Variants in FLT1 observed in about 807,000 individuals in gnomAD.
FLT1 encodes vascular endothelial growth factor receptor 1.
Under a neutral mutation model 156.3 loss-of-function variants are expected in FLT1, and 49 were observed. The ratio of observed to expected loss-of-function variants is 0.31; its 90% confidence interval spans 0.25 to 0.40. The LOEUF (loss-of-function observed/expected upper bound fraction) is 0.40. Among genes scored for constraint, FLT1 ranks in the 10% least tolerant of loss-of-function variants. The pLI is 1.00. For synonymous variants in FLT1, 594 were observed against 583.8 expected (o/e 1.02, Z -0.25); for missense variants, 1,322 against 1,637.2 (o/e 0.81, Z 3.32).
At chr13:28,372,459 A>G (rs1310806795) in intron 14 of FLT1, among the ~76,000 whole-genome samples, 2 of 150,964 alleles carry the variant, frequency 1.3e-5, no homozygotes, top group East Asian at 3.9e-4. Context: ...GACAAGATAC[A>G]TATCAAACAG....
chr13:28,426,704 G>C (rs967165930), intron 10 of FLT1, among the ~76,000 whole-genome samples: 6 of 152,204 alleles, frequency 3.9e-5, no homozygotes, highest in African/African-American at 1.2e-4. Flanking sequence ...ATTTCAGACA[G>C]ATGGAAGAGC....
intron 10 of FLT1, among the ~76,000 whole-genome samples, chr13:28,420,091 A>G (rs1876914985): frequency 6.6e-6 from 1 of 152,250 alleles, no homozygotes; most frequent in South Asian, 2.1e-4. Context: ...GGCCTTTGGC[A>G]AAAGAACTCA....
At chr13:28,356,646 G>A (rs1366557974) in intron 15 of FLT1, among the ~76,000 whole-genome samples, 1 of 152,164 alleles carries the variant, frequency 6.6e-6, no homozygotes, top group Non-Finnish European at 1.5e-5. Context: ...AGCAATGTAA[G>A]TTTCAGGGGG....
intron 1 of FLT1, among the ~76,000 whole-genome samples, chr13:28,487,420 T>C (rs1881225633): frequency 1.3e-5 from 2 of 152,240 alleles, no homozygotes; most frequent in Non-Finnish European, 2.9e-5. Flanking sequence ...CAAAAGAATC[T>C]GATAATTGTT....
rs199658437 is a variant in FLT1, at chr13:28,427,767, T to A, written c.1261A>T (p.Thr421Ser). ...QSNVFKNLTATLIVNVKPQIY... is the reference protein window; with the variant it reads ...QSNVFKNLTASLIVNVKPQIY... ...GCAAACTTACCATTGACAATTAGAG[T>A]GGCAGTGAGGTTTTTAAACACATTT... The change falls in exon 9 of 30, where the codon ACT becomes TCT. Residue 421 changes from threonine to serine, a missense_variant. Thr to Ser is a moderately conservative substitution (Grantham distance 58). Around this residue, in one of 3 missense-constraint regions of FLT1, gnomAD observed 991 missense variants for 1,254.8 expected, o/e 0.79. Transcript: ENST00000282397. 1.2e-5 allele frequency: 20 copies of A among 1,613,682 alleles called. No homozygotes were observed. In the African/African-American group the frequency reaches 2.3e-4, roughly 18 times the overall value.
chr13:28,488,967 C>T (rs531884033), intron 1 of FLT1, among the ~76,000 whole-genome samples: 23 of 152,260 alleles, frequency 1.5e-4, no homozygotes, highest in African/African-American at 4.3e-4. Context: ...TTGTATAACA[C>T]GCTGCAGGAA....
At chr13:28,482,383 A>G (rs1185686910) in intron 1 of FLT1, among the ~76,000 whole-genome samples, 2 of 152,086 alleles carry the variant, frequency 1.3e-5, no homozygotes, top group Non-Finnish European at 2.9e-5. Flanking sequence ...GATTGCAGTG[A>G]GCCGAGATCA....
At chr13:28,324,452 T>C (rs1043820616) in intron 20 of FLT1, among the ~76,000 whole-genome samples, 2 of 152,168 alleles carry the variant, frequency 1.3e-5, no homozygotes, top group African/African-American at 4.8e-5. Context: ...AGCCCTAACC[T>C]AGTCTAAAAG....
At chr13:28,348,976 C>T (rs1593699763) in intron 15 of FLT1, among the ~76,000 whole-genome samples, 1 of 150,778 alleles carries the variant, frequency 6.6e-6, no homozygotes, top group African/African-American at 2.4e-5. Flanking sequence ...CTTCATAAAA[C>T]ATATAGACCA....
At chr13:28,347,413 C>T (rs901515603) in intron 15 of FLT1, among the ~76,000 whole-genome samples, 4 of 151,992 alleles carry the variant, frequency 2.6e-5, no homozygotes, top group African/African-American at 7.3e-5. Flanking sequence ...CCCAGCTCCT[C>T]GGTAGTCTGA....
At chr13:28,463,023 G>A (rs1879673884) in intron 3 of FLT1, among the ~76,000 whole-genome samples, 1 of 152,188 alleles carries the variant, frequency 6.6e-6, no homozygotes, top group Admixed American at 6.5e-5. Context: ...TCCTTTGCTT[G>A]TAAAATGAAG....
At chr13:28,438,473 C>T (rs1227757652) in intron 3 of FLT1, 128 bp from the exon 4 acceptor site, 1 of 728,640 alleles carries the variant, frequency 1.4e-6, no homozygotes, top group African/African-American at 1.8e-5. Context: ...GTAATCCATA[C>T]ATTCACATCT....
intron 11 of FLT1, among the ~76,000 whole-genome samples, chr13:28,398,368 G>A (rs1463433243): frequency 6.6e-6 from 1 of 152,210 alleles, no homozygotes; most frequent in African/African-American, 2.4e-5. Flanking sequence ...TTCCAAGGTG[G>A]TGGACATACT....
intron 16 of FLT1, among the ~76,000 whole-genome samples, chr13:28,343,033 C>A (rs7334577): frequency 0.55 from 83,293 of 151,748 alleles, 25,350 homozygotes; most frequent in East Asian, 0.78. Flanking sequence ...GGCTAGAATG[C>A]AGTGGCATGA....
At position 28,430,245 on chromosome 13, in the gene FLT1, G is replaced by A. The variant is rs1877603918; in HGVS notation, c.989-78C>T. On this transcript the variant is annotated intron_variant, in intron 7 of 29. Transcript: ENST00000282397. ...AAACCTTAGGGCCTCATTCAGGGAG[G>A]GTGTAATCAATGAGTAAATAAACAG... 5.1e-6 allele frequency: 5 copies of A among 984,392 alleles called. No homozygotes were observed. In the Admixed American group the frequency reaches 7.3e-5, roughly 14 times the overall value. 61.0% of individuals were successfully genotyped at this position (984,392 alleles called of 1,614,324 possible). A position where few individuals can be genotyped will look rare whatever the true frequency, so the allele number is the denominator to read the frequency against.
chr13:28,438,639 A>G (rs2137561918), intron 3 of FLT1, among the ~76,000 whole-genome samples: 1 of 152,350 alleles, frequency 6.6e-6, no homozygotes, highest in African/African-American at 2.4e-5. Context: ...AAAAGCCTAA[A>G]AGTGCAGTAG....
chr13:28,445,533 T>C (rs1437695759), intron 3 of FLT1, among the ~76,000 whole-genome samples: 1 of 152,084 alleles, frequency 6.6e-6, no homozygotes, highest in East Asian at 1.9e-4. Flanking sequence ...TGAAGGAATA[T>C]TATAATTATA....
At chr13:28,446,577 A>C (rs1316558824) in intron 3 of FLT1, among the ~76,000 whole-genome samples, 6 of 152,368 alleles carry the variant, frequency 3.9e-5, no homozygotes, top group African/African-American at 1.4e-4. Flanking sequence ...TAATGTGTTT[A>C]GGAATATATT....
chr13:28,417,736 C>T (rs1321189537), intron 10 of FLT1, among the ~76,000 whole-genome samples: 1 of 150,916 alleles, frequency 6.6e-6, no homozygotes, highest in Non-Finnish European at 1.5e-5. Context: ...AAACAATCCT[C>T]CCACATAGCT....
Sources: gnomAD v4.1 joint callset for allele counts (sites outside exome capture counted in the v4.1 genomes callset) on GRCh38, gnomAD v4.1.1 for gene constraint, gnomAD v4.1.1 regional missense constraint, MANE v1.5 for transcripts, NCBI Gene and HGNC (gene_info 2026-07-23, HGNC 2026-07-21) for gene names.